Variants in SLX4 observed in about 807,000 individuals in gnomAD.
SLX4 encodes the protein SLX4 structure-specific endonuclease subunit, also known as structure-specific endonuclease subunit SLX4.
Under a neutral mutation model 146.2 loss-of-function variants are expected in SLX4, and 112 were observed. The ratio of observed to expected loss-of-function variants is 0.77; its 90% CI spans 0.66 to 0.90. The LOEUF is 0.90. Ranked by LOEUF, SLX4 falls within the 40% of genes least tolerant of loss-of-function variation. SLX4 has a pLI of 0.00. For synonymous variants in SLX4, 1,061 were observed against 997.7 expected (o/e 1.06, Z -1.20); for missense variants, 2,563 against 2,392.7 (o/e 1.07, Z -1.49).
At chr16:3,596,426 G>T in intron 7 of SLX4, 33 bp from the exon 8 acceptor site, 1 of 1,565,386 alleles carries the variant, frequency 6.4e-7, no homozygotes, top group South Asian at 1.1e-5. Flanking sequence ...GTGACCACGT[G>T]GTCACTGTCA....
rs1261188705 is a variant in SLX4 at position 3,596,410 on chromosome 16, A to C, written c.1684-17T>G. ...CATAAGGCCCTGAAAGAAGCCAGTA[A>C]GGAGAGTGACCACGTGGTCACTGTC... On this transcript the variant is annotated splice_polypyrimidine_tract_variant and intron_variant, in intron 7 of 14. Coordinates refer to ENST00000294008, the MANE Select transcript of SLX4 (RefSeq NM_032444.4). The C allele has an allele frequency of 1.9e-6, 3 of 1,580,792 alleles. No individual in the cohort carries two copies. The highest frequency in any genetic ancestry group is 2.6e-6 in the Non-Finnish European group (3 of 1,159,982).
rs747719226 is a variant in SLX4, at chr16:3,589,459, C to T, written c.4179G>A (p.Val1393=). 1.9e-6 allele frequency: 3 copies of T among 1,607,528 alleles called. No homozygotes were observed. The highest frequency in any genetic ancestry group is 1.1e-5 in the South Asian group (1 of 91,020). ...FLNQTPAGEV[V]EVGDSDDEQE... ...GCTCATCGTCACTGTCTCCGACTTCCACCACTTCACCCGCTGGGGTCTGGT... is the reference window on the plus strand; with the variant it reads ...GCTCATCGTCACTGTCTCCGACTTCTACCACTTCACCCGCTGGGGTCTGGT... Residue 1393 remains valine (V), a synonymous_variant, in exon 12 of 15, where the codon GTG becomes GTA. Transcript: ENST00000294008. This position sits in a 1 kb window ranked among gnomAD's most constrained non-coding sequence, Gnocchi z 6.2.
chr16:3,594,473 A>G lies in SLX4; in HGVS notation c.2140T>C (p.Cys714Arg). 1 of 1,613,846 alleles carries G rather than the reference A, an allele frequency of 6.2e-7. No homozygotes were observed. Among genetic ancestry groups the G allele is most frequent in the Non-Finnish European group, 8.5e-7 (1 of 1,179,916 alleles). Residue 714 changes from cysteine (C) to arginine (R), a missense_variant, in exon 10 of 15, where the codon TGC (cysteine) becomes CGC (arginine). By Grantham distance (180) the Cys-to-Arg change is radical. Transcript: ENST00000294008. The part of the protein sequence containing the change: ...YAHKFVLYAR[C>R]PLLIQYVNNE... ...CTTACATACTGGATGAGGAGCGGGCATCGGGCATAAAGCACGAACTTGTGG... is the reference window on the plus strand; with the variant it reads ...CTTACATACTGGATGAGGAGCGGGCGTCGGGCATAAAGCACGAACTTGTGG...
rs141778507 is a variant in SLX4 at position 3,587,168 on chromosome 16, GGTATGTGAA to G, written c.4636+1825_4636+1833del. 6.8e-3 allele frequency among the ~76,000 whole-genome samples: 1,043 copies of G among 152,278 alleles called. 17 individuals carry two copies. Among genetic ancestry groups the G allele is most frequent in the African/African-American group, 0.024 (987 of 41,540 alleles). ...TCCATTTTAAAAGGGTGGATATTAT[GGTATGTGAA>G]TTATATCTAAATAAAGCTGTTACTT... On this transcript the variant is annotated intron_variant, in intron 12 of 14. Coordinates refer to ENST00000294008, the MANE Select transcript of SLX4 (RefSeq NM_032444.4).
chr16:3,589,765 C>CGTGT lies in SLX4; in HGVS notation c.3869_3872dup (p.Pro1292HisfsTer44). The CGTGT allele has an allele frequency of 6.2e-7, 1 of 1,613,650 alleles. No individual in the cohort carries two copies. Among genetic ancestry groups the CGTGT allele is most frequent in the Middle Eastern group, 1.6e-4 (1 of 6,062 alleles). ...CCCTGTTTCCTACTGAGGCCCTGGG[C>CGTGT]GTGTGCTGAGTCACCGCCTGCACGG... On this transcript the variant is annotated frameshift_variant, in exon 12 of 15. Coordinates refer to ENST00000294008, the MANE Select transcript of SLX4 (RefSeq NM_032444.4). LOFTEE classifies it high-confidence loss of function. The surrounding 1 kb of genome is among the most constrained non-coding windows in gnomAD (Gnocchi z 6.2).
Position 3,591,122 on chromosome 16 carries a change from T to C in SLX4, c.2516A>G (p.His839Arg). 1 of 1,614,248 alleles carries C rather than the reference T, an allele frequency of 6.2e-7. No homozygotes were observed. Among genetic ancestry groups the C allele is most frequent in the African/African-American group, 1.3e-5 (1 of 75,058 alleles). ...ATTCACGTTTTCTTGATCTTCTTCG[T>C]GGTCCTTGGATTTCAACAAAGTCTC... ...EAETLLKSKD[H>R]EEDQENVNEA... Residue 839 changes from histidine (H) to arginine (R), a missense_variant, in exon 12 of 15, where the codon CAC becomes CGC. Transcript: ENST00000294008.
intron 4 of SLX4, chr16:3,601,904 T>C: frequency 1.8e-6 from 1 of 565,144 alleles, no homozygotes; most frequent in Non-Finnish European, 3.2e-6. Flanking sequence ...ACTGTGTGAA[T>C]ATCCCAAAAG....
In SLX4 at chr16:3,590,908, C is replaced by G. The variant is rs151080921; in HGVS notation, c.2730G>C (p.Glu910Asp). 6.2e-7 allele frequency: 1 copy of G among 1,613,974 alleles called. No homozygotes were observed. Among genetic ancestry groups the G allele is most frequent in the African/African-American group, 1.3e-5 (1 of 74,864 alleles). ...WDKVEEMEPLEPGRDEAATTW... is the reference protein window; with the variant it reads ...WDKVEEMEPLDPGRDEAATTW... ...TGGTGGCGGCCTCATCTCTTCCTGG[C>G]TCCAACGGCTCCATCTCCTCCACCT... Residue 910 changes from glutamate to aspartate, a missense_variant, in exon 12 of 15, where the codon GAG becomes GAC. Physicochemically the swap from Glu to Asp is conservative, Grantham distance 45. Transcript: ENST00000294008. This position sits in a 1 kb window ranked among gnomAD's most constrained non-coding sequence, Gnocchi z 4.8.
Position 3,603,814 on chromosome 16 carries a change from C to CCT in SLX4, c.761-1509_761-1508dup, listed in dbSNP as rs554875330. 3.3e-4 allele frequency among the ~76,000 whole-genome samples: 50 copies of CCT among 152,322 alleles called. No homozygotes were observed. In the East Asian group the frequency reaches 9.1e-3, roughly 28 times the overall value. On this transcript the variant is annotated intron_variant, in intron 3 of 14. Transcript: ENST00000294008. ...CCCTGTCTCACCTGCAGCCAATGAG[C>CCT]CTCTAATCTACTCAGAGTGGGGCAA...
chr16:3,599,725 T>A (rs1180226514), intron 5 of SLX4, among the ~76,000 whole-genome samples: 1 of 152,222 alleles, frequency 6.6e-6, no homozygotes, highest in Non-Finnish European at 1.5e-5. Context: ...TAGCTGGGAC[T>A]ACAGGTGTGC....
In SLX4 at chr16:3,590,908, C is replaced by T. The variant is rs151080921; in HGVS notation, c.2730G>A (p.Glu910=). 3.7e-6 allele frequency: 6 copies of T among 1,613,974 alleles called. No individual in the cohort carries two copies. Among genetic ancestry groups the T allele is most frequent in the Non-Finnish European group, 5.1e-6 (6 of 1,180,034 alleles). ...TGGTGGCGGCCTCATCTCTTCCTGG[C>T]TCCAACGGCTCCATCTCCTCCACCT... ...WDKVEEMEPL[E]PGRDEAATTW... is the part of the protein sequence containing the mutation. The change falls in exon 12 of 15, where the codon GAG becomes GAA. Residue 910 remains glutamate, a synonymous_variant. Transcript: ENST00000294008. The surrounding 1 kb of genome is among the most constrained non-coding windows in gnomAD (Gnocchi z 4.8).
chr16:3,594,622 G>A (rs1307651788), intron 9 of SLX4, 23 bp from the exon 10 acceptor site: 2 of 1,613,700 alleles, frequency 1.2e-6, no homozygotes, highest in Non-Finnish European at 1.7e-6. Flanking sequence ...GAGAGGAAGA[G>A]CCGTCACCTC....
In SLX4 at chr16:3,596,745, C is replaced by T. The variant is rs377544580; in HGVS notation, c.1684-352G>A. Among the ~76,000 whole-genome samples the T allele has an allele frequency of 1.8e-4, 27 of 152,272 alleles. No individual in the cohort carries two copies. In the East Asian group the frequency reaches 2.3e-3, roughly 13 times the overall value. On this transcript the variant is annotated intron_variant, in intron 7 of 14. Coordinates refer to ENST00000294008, the MANE Select transcript of SLX4 (RefSeq NM_032444.4). Reference sequence around the variant, plus strand: ...ACTGACTGTAGGGCTACCTGCCGCACGACTGTCTGGAGTGTGTGCTCCGAA... The same window carrying T: ...ACTGACTGTAGGGCTACCTGCCGCATGACTGTCTGGAGTGTGTGCTCCGAA...
chr16:3,608,793 A>G lies in SLX4; in HGVS notation c.172T>C (p.Phe58Leu), dbSNP rs1446545509. 1.5e-5 allele frequency: 25 copies of G among 1,613,980 alleles called. No homozygotes were observed. The highest frequency in any genetic ancestry group is 2.0e-5 in the Non-Finnish European group (24 of 1,180,012). The change falls in exon 2 of 15, where the codon TTT becomes CTT. Residue 58 changes from phenylalanine (F) to leucine (L), a missense_variant. Physicochemically the swap from Phe to Leu is conservative, Grantham distance 22. Transcript: ENST00000294008. Reference protein sequence around the residue: ...DEDFKELCASFFQRVKKHGIK... With the variant: ...DEDFKELCASLFQRVKKHGIK... The stretch of plus-strand genomic sequence containing the variant: ...CCATGTTTTTTCACCCTTTGGAAAA[A>G]GCTAGCGCAGAGTTCTTTAAAGTCC...
chr16:3,598,580 C>T (rs973312685), intron 5 of SLX4, among the ~76,000 whole-genome samples: 1 of 152,160 alleles, frequency 6.6e-6, no homozygotes, highest in African/African-American at 2.4e-5. Flanking sequence ...CAGGAGTTTC[C>T]GGCTGGAGAG....
At chr16:3,596,073 C>G (rs2151129702) in intron 8 of SLX4, 80 bp downstream of exon 8, 1 of 1,502,068 alleles carries the variant, frequency 6.7e-7, no homozygotes, top group East Asian at 2.5e-5. Flanking sequence ...GCACAAGAGC[C>G]AGTCCATGGC....
At position 3,588,808 on chromosome 16, in the gene SLX4, G is replaced by A. The variant is rs8058233; in HGVS notation, c.4636+194C>T. On this transcript the variant is annotated intron_variant, in intron 12 of 14. Transcript: ENST00000294008. ...TTTGGGAAACACTGACTTACTGGCTGAGAAGTGTAGCATGAGAACCAGCCC... is the reference window on the plus strand; with the variant it reads ...TTTGGGAAACACTGACTTACTGGCTAAGAAGTGTAGCATGAGAACCAGCCC... 0.42 allele frequency among the ~76,000 whole-genome samples: 64,427 copies of A among 152,046 alleles called. 16,760 individuals are homozygous for A. Among genetic ancestry groups the A allele is most frequent in the African/African-American group, 0.74 (30,781 of 41,440 alleles).
At chr16:3,606,259 A>C (rs1413319356) in intron 3 of SLX4, among the ~76,000 whole-genome samples, 1 of 152,160 alleles carries the variant, frequency 6.6e-6, no homozygotes. Context: ...TCAGAAAAAA[A>C]AACAAAACGG....
Position 3,597,683 on chromosome 16 carries a change from C to A in SLX4, c.1379G>T (p.Arg460Leu), listed in dbSNP as rs369994733. Residue 460 changes from arginine (R) to leucine (L), a missense_variant, in exon 7 of 15, where the codon CGC becomes CTC. Arg to Leu is a moderately radical substitution (Grantham distance 102). Transcript: ENST00000294008. The surrounding 1 kb of genome is among the most constrained non-coding windows in gnomAD (Gnocchi z 4.4). ...GGGGGATACCGGGGGTTTCTTCTTG[C>A]GACTTTTATTCTCTAGAGAGAAACA... ...RIRPEAENKS[R>L]KKKPPVSPPL... The A allele has an allele frequency of 1.2e-6, 2 of 1,613,728 alleles. No homozygotes were observed. Among genetic ancestry groups the A allele is most frequent in the Non-Finnish European group, 1.7e-6 (2 of 1,179,986 alleles).
Sources: gnomAD v4.1 joint callset for allele counts (sites outside exome capture counted in the v4.1 genomes callset) on GRCh38, gnomAD v4.1.1 for gene constraint, Gnocchi (gnomAD v3.1) non-coding constraint, MANE v1.5 for transcripts, NCBI Gene and HGNC (gene_info 2026-07-23, HGNC 2026-07-21) for gene names.